BDNF: variants seen among roughly 807,000 people sequenced by gnomAD.
BDNF encodes the protein neurotrophic factor BDNF precursor form.
BDNF carries 1 observed loss-of-function variant against 19.5 expected under a neutral mutation model. The ratio of observed to expected loss-of-function variants is 0.05; its 90% CI spans 0.02 to 0.24. The LOEUF (loss-of-function observed/expected upper bound fraction) is 0.24, where lower values mean the gene tolerates loss of function less well. Among genes scored for constraint, BDNF ranks in the 10% least tolerant of loss-of-function variants. The pLI is 1.00. For missense variants in BDNF, 195 were observed against 317.6 expected (o/e 0.61, Z 2.93); for synonymous variants, 100 against 121.6 (o/e 0.82, Z 1.17).
At chr11:27,714,378 T>C (rs1860441496) in intron 1 of BDNF, among the ~76,000 whole-genome samples, 1 of 152,178 alleles carries the variant, frequency 6.6e-6, no homozygotes, top group Admixed American at 6.5e-5. Flanking sequence ...CCCAGGCAAT[T>C]TCAGGATGTA....
rs1319265786 is a variant in BDNF at position 27,654,928 on chromosome 11, A to C, written c.*2893T>G. On this transcript the variant is annotated 3_prime_UTR_variant, in exon 2 of 2. Coordinates refer to ENST00000356660, the MANE Select transcript of BDNF (RefSeq NM_001709.5). The stretch of plus-strand genomic sequence containing the variant: ...TTTGAAAATATATTTAAAAACATTA[A>C]AAATTCTATATTTAAAACATATATT... The C allele has an allele frequency of 1.3e-5, 2 of 152,208 alleles. No homozygotes were observed. The highest frequency in any genetic ancestry group is 4.8e-5 in the African/African-American group (2 of 41,442). 9.4% of individuals were successfully genotyped at this position (152,208 alleles called of 1,614,324 possible).
chr11:27,698,778 C>A (rs1859503210), intron 1 of BDNF, among the ~76,000 whole-genome samples: 2 of 152,102 alleles, frequency 1.3e-5, no homozygotes, highest in Admixed American at 1.3e-4. Context: ...TTGCTTCTGG[C>A]CAAGAACATT....
At chr11:27,706,519 TC>T (rs1412934158) in intron 1 of BDNF, among the ~76,000 whole-genome samples, 9 of 152,308 alleles carry the variant, frequency 5.9e-5, no homozygotes, top group African/African-American at 1.9e-4. Flanking sequence ...CTTACTAACC[TC>T]CTTATGTTAT....
chr11:27,714,400 T>C (rs1860442163), intron 1 of BDNF, among the ~76,000 whole-genome samples: 1 of 152,152 alleles, frequency 6.6e-6, no homozygotes, highest in South Asian at 2.1e-4. Context: ...TATTTTTGAT[T>C]TTAAAAGGAA....
At chr11:27,662,987 A>G (rs997114986) in intron 1 of BDNF, among the ~76,000 whole-genome samples, 7 of 152,232 alleles carry the variant, frequency 4.6e-5, no homozygotes, top group Non-Finnish European at 8.8e-5. Flanking sequence ...CTGTCCTACA[A>G]TTTCCTGTGT....
intron 1 of BDNF, among the ~76,000 whole-genome samples, chr11:27,683,195 C>T (rs137959200): frequency 2.3e-3 from 346 of 152,308 alleles, no homozygotes; most frequent in African/African-American, 7.4e-3. Context: ...TTGTTGGCAG[C>T]ATAAATTTCT....
chr11:27,718,572 C>T (rs1321511894), intron 1 of BDNF, among the ~76,000 whole-genome samples: 1 of 143,910 alleles, frequency 6.9e-6, no homozygotes, highest in Non-Finnish European at 1.5e-5. Context: ...CCCCTGCCCG[C>T]CCCTCCCCTC....
Position 27,657,651 on chromosome 11 carries a change from T to C in BDNF, c.*170A>G, listed in dbSNP as rs1301069057. 3.5e-6 allele frequency: 5 copies of C among 1,432,256 alleles called. No homozygotes were observed. The highest frequency in any genetic ancestry group is 2.5e-5 in the East Asian group (1 of 39,784). The allele number at this position is 1,432,256 out of a possible 1,614,324, so 88.7% of individuals were successfully genotyped here. On this transcript the variant is annotated 3_prime_UTR_variant, in exon 2 of 2. Transcript: ENST00000356660. This position sits in a 1 kb window ranked among gnomAD's most constrained non-coding sequence, Gnocchi z 5.0. Reference sequence around the variant, plus strand: ...CAAATGACTGTTTCCCTTCTGGTCATGGACATGTCCAATAAATAGATTGTA... The same window carrying C: ...CAAATGACTGTTTCCCTTCTGGTCACGGACATGTCCAATAAATAGATTGTA...
rs1852715687 is a variant in BDNF at position 27,657,444 on chromosome 11, T to C, written c.*377A>G. ...GTAAACGGAATGTTTTGGTTCAAATTTTTGTTGTGTGTGTGTGTGTTTTTT... is the reference window on the plus strand; with the variant it reads ...GTAAACGGAATGTTTTGGTTCAAATCTTTGTTGTGTGTGTGTGTGTTTTTT... On this transcript the variant is annotated 3_prime_UTR_variant, in exon 2 of 2. Transcript: ENST00000356660. The surrounding 1 kb of genome is among the most constrained non-coding windows in gnomAD (Gnocchi z 5.0). 9.7e-7 allele frequency: 1 copy of C among 1,026,722 alleles called. No homozygotes were observed. Among genetic ancestry groups the C allele is most frequent in the South Asian group, 3.5e-5 (1 of 28,520 alleles). The allele number at this position is 1,026,722 out of a possible 1,614,324, so 63.6% of individuals were successfully genotyped here. A position where few individuals can be genotyped will look rare whatever the true frequency, so the allele number is the denominator to read the frequency against.
chr11:27,663,869 C>T (rs1739293667), intron 1 of BDNF, among the ~76,000 whole-genome samples: 1 of 152,090 alleles, frequency 6.6e-6, no homozygotes, highest in Non-Finnish European at 1.5e-5. Context: ...TAATCATGAC[C>T]AAGATCCTTC....
chr11:27,674,021 A>C, intron 1 of BDNF: 1 of 1,506,396 alleles, frequency 6.6e-7, no homozygotes, highest in East Asian at 2.4e-5. Flanking sequence ...GGGAAAGATA[A>C]AATTAGCAAG....
At position 27,699,384 on chromosome 11, in the gene BDNF, A is replaced by G. The variant is rs996039893; in HGVS notation, c.-22+780T>C. The stretch of plus-strand genomic sequence containing the variant: ...CTTTCCAGGAGTAACTCACTCACCC[A>G]TTCCTCTTCCCGGCTCTGCATCCCC... On this transcript the variant is annotated intron_variant, in intron 1 of 1. Coordinates refer to ENST00000356660, the MANE Select transcript of BDNF (RefSeq NM_001709.5). 13 of 1,613,808 alleles carry G rather than the reference A, an allele frequency of 8.1e-6. No homozygotes were observed. In the African/African-American group the frequency reaches 1.6e-4, roughly 20 times the overall value.
chr11:27,680,237 C>T (rs759560116), intron 1 of BDNF, among the ~76,000 whole-genome samples: 21 of 152,278 alleles, frequency 1.4e-4, no homozygotes, highest in Admixed American at 3.3e-4. Flanking sequence ...CAATGTGGTA[C>T]ATGCTGTAAC....
At chr11:27,659,690 T>C in intron 1 of BDNF, 2 of 996,696 alleles carry the variant, frequency 2.0e-6, no homozygotes, top group Non-Finnish European at 2.4e-6. Flanking sequence ...ATCCTACTTT[T>C]AAAAAGCTGA....
At chr11:27,660,493 T>C (rs57432706) in intron 1 of BDNF, among the ~76,000 whole-genome samples, 4,579 of 152,242 alleles carry the variant, frequency 0.03, 155 homozygotes, top group African/African-American at 0.079. Context: ...CTATTTCTGG[T>C]AGATTGTACT....
chr11:27,699,508 G>A, intron 1 of BDNF: 4 of 1,612,290 alleles, frequency 2.5e-6, no homozygotes, highest in Non-Finnish European at 3.4e-6. Context: ...GAAGAGGGGC[G>A]CAGGATGGGT....
intron 1 of BDNF, chr11:27,675,299 T>G (rs1167160571): frequency 6.6e-6 from 1 of 152,228 alleles, no homozygotes; most frequent in Admixed American, 6.5e-5. Flanking sequence ...GTTTCCAGTA[T>G]TGAATTATTA....
At chr11:27,659,960 C>T (rs1853195443) in intron 1 of BDNF, among the ~76,000 whole-genome samples, 1 of 152,184 alleles carries the variant, frequency 6.6e-6, no homozygotes, top group African/African-American at 2.4e-5. Flanking sequence ...GAATCACTTA[C>T]CTGAAGCATT....
intron 1 of BDNF, among the ~76,000 whole-genome samples, chr11:27,712,181 T>C (rs1860352774): frequency 6.6e-6 from 1 of 152,236 alleles, no homozygotes; most frequent in African/African-American, 2.4e-5. Flanking sequence ...ACTAAATTAA[T>C]ATTTCTGAAT....
Sources: allele counts gnomAD v4.1 joint callset (sites outside exome capture counted in the v4.1 genomes callset), GRCh38; gene constraint gnomAD v4.1.1; non-coding constraint Gnocchi (gnomAD v3.1); transcripts MANE v1.5; gene names NCBI Gene and HGNC (gene_info 2026-07-23, HGNC 2026-07-21).